Variants in SLC16A12 observed in about 807,000 individuals in gnomAD.
SLC16A12 encodes the protein solute carrier family 16 member 12.
SLC16A12 carries 17 observed loss-of-function variants against 42.4 expected under a neutral mutation model. The ratio of observed to expected loss-of-function variants is 0.40; its 90% CI spans 0.27 to 0.60. The LOEUF is 0.60. Ranked by LOEUF, SLC16A12 falls within the 20% of genes least tolerant of loss-of-function variation. The probability of loss-of-function intolerance (pLI) is 0.42; values close to 1 mark genes in which losing one functional copy is unlikely to be tolerated. For missense variants in SLC16A12, 544 were observed against 623.0 expected, an observed-to-expected ratio of 0.87 and a Z score of 1.35; for synonymous variants, 224 against 229.4, an observed-to-expected ratio of 0.98 and a Z score of 0.21.
chr10:89,491,852 A>G (rs964857771), intron 2 of SLC16A12, among the ~76,000 whole-genome samples: 1 of 152,220 alleles, frequency 6.6e-6, no homozygotes. Context: ...AAGGGAAAGT[A>G]GAAGTCGAAA....
Position 89,534,563 on chromosome 10 carries a change from T to A in SLC16A12, c.-109A>T, listed in dbSNP as rs192430761. The A allele has an allele frequency of 0.013, 1,830 of 145,124 alleles. 19 individuals carry two copies. Among genetic ancestry groups the A allele is most frequent in the Non-Finnish European group, 0.02 (1,349 of 67,336 alleles). 9.0% of individuals were successfully genotyped at this position (145,124 alleles called of 1,614,324 possible). Reference sequence around the variant, plus strand: ...TGGCTCACGCCTGTAATCCCATCACTTTGGGAGGCTAAAGCGGGCAGATCG... The same window carrying A: ...TGGCTCACGCCTGTAATCCCATCACATTGGGAGGCTAAAGCGGGCAGATCG... On this transcript the variant is annotated 5_prime_UTR_variant, in exon 2 of 8. The change creates a new upstream start codon in the 5' untranslated region. Coordinates refer to ENST00000371790, the MANE Select transcript of SLC16A12 (RefSeq NM_213606.4).
intron 2 of SLC16A12, among the ~76,000 whole-genome samples, chr10:89,531,037 G>A (rs796980643): frequency 1.4e-4 from 21 of 152,078 alleles, no homozygotes; most frequent in African/African-American, 5.1e-4. Context: ...GGTCCATATA[G>A]CGATCAACTT....
intron 5 of SLC16A12, among the ~76,000 whole-genome samples, chr10:89,439,889 T>C (rs887531041): frequency 6.6e-6 from 1 of 151,266 alleles, no homozygotes; most frequent in Non-Finnish European, 1.5e-5. Flanking sequence ...CTGGGCAATA[T>C]GGCAAAACCC....
In SLC16A12 at chr10:89,438,911, C is replaced by G. The variant is rs745753620; in HGVS notation, c.721G>C (p.Val241Leu). The change falls in exon 6 of 8, where the codon GTG becomes CTG. Residue 241 changes from valine to leucine, a missense_variant. Physicochemically the swap from Val to Leu is conservative, Grantham distance 32 (BLOSUM62 1). Coordinates refer to ENST00000371790, the MANE Select transcript of SLC16A12 (RefSeq NM_213606.4). ...ATGTCTTCTTTCTGAGTTCTACACA[C>G]ATGGTTCTGCTCTGGAGTTGTGTGG... ...EDHTTPEQNH[V>L]CRTQKEDIKR... 6.2e-7 allele frequency: 1 copy of G among 1,614,064 alleles called. No individual in the cohort carries two copies. The highest frequency in any genetic ancestry group is 1.3e-5 in the African/African-American group (1 of 74,934).
intron 2 of SLC16A12, among the ~76,000 whole-genome samples, chr10:89,554,745 C>T (rs1319126390): frequency 1.3e-5 from 2 of 152,138 alleles, no homozygotes; most frequent in Non-Finnish European, 2.9e-5. Context: ...ATGGGAGCAA[C>T]CTTTACATTG....
At chr10:89,519,490 C>T (rs574129504) in intron 2 of SLC16A12, among the ~76,000 whole-genome samples, 5 of 152,112 alleles carry the variant, frequency 3.3e-5, no homozygotes, top group East Asian at 1.9e-4. Flanking sequence ...GCGTGAGAAC[C>T]GGAACTATGA....
At chr10:89,550,788 T>C (rs1453184264) in intron 2 of SLC16A12, among the ~76,000 whole-genome samples, 1 of 152,142 alleles carries the variant, frequency 6.6e-6, no homozygotes, top group African/African-American at 2.4e-5. Context: ...CCTAGAAAGC[T>C]CTTCACTATT....
intron 2 of SLC16A12, among the ~76,000 whole-genome samples, chr10:89,512,849 G>A (rs1372830693): frequency 6.6e-6 from 1 of 152,208 alleles, no homozygotes; most frequent in African/African-American, 2.4e-5. Context: ...CAAAGTATGG[G>A]TGCCAACCAG....
At chr10:89,535,893 C>G (rs994449188), upstream of SLC16A12, among the ~76,000 whole-genome samples, 1 of 152,230 alleles carries the variant, frequency 6.6e-6, no homozygotes, top group African/African-American at 2.4e-5. Context: ...AAGCGTAGCG[C>G]GGAAAATCCC....
chr10:89,486,647 GAAA>G (rs1842754429), intron 2 of SLC16A12, among the ~76,000 whole-genome samples: 4 of 46,178 alleles, frequency 8.7e-5, no homozygotes, highest in Non-Finnish European at 1.4e-4. Context: ...AAGAAAGAAA[GAAA>G]GAAAGAAAGA....
chr10:89,460,529 G>A, intron 3 of SLC16A12, among the ~76,000 whole-genome samples: 1 of 151,868 alleles, frequency 6.6e-6, no homozygotes, highest in East Asian at 1.9e-4. Flanking sequence ...TTCGAGACCA[G>A]CCTGACCAAC....
intron 2 of SLC16A12, among the ~76,000 whole-genome samples, chr10:89,515,756 A>G (rs7087139): frequency 0.64 from 97,785 of 151,944 alleles, 31,861 homozygotes; most frequent in East Asian, 0.81. Context: ...TGGAATTCAT[A>G]ACTGTGGCCA....
chr10:89,495,064 A>ACTGGC (rs1842903859), intron 2 of SLC16A12, among the ~76,000 whole-genome samples: 2 of 152,148 alleles, frequency 1.3e-5, no homozygotes, highest in Admixed American at 6.6e-5. Flanking sequence ...AACACTAGGA[A>ACTGGC]CTGGCCGGGC....
intron 2 of SLC16A12, 25 bp from the exon 3 acceptor site, chr10:89,462,649 T>A: frequency 6.6e-7 from 1 of 1,519,036 alleles, no homozygotes; most frequent in Non-Finnish European, 8.8e-7. Flanking sequence ...CAGGACATAT[T>A]TATATCTTAT....
intron 3 of SLC16A12, among the ~76,000 whole-genome samples, chr10:89,458,469 G>A (rs911315109): frequency 3.9e-5 from 6 of 152,130 alleles, no homozygotes; most frequent in Non-Finnish European, 5.9e-5. Context: ...TAAGAGTTAA[G>A]CTCCCTTAGT....
chr10:89,487,964 GTATATA>G (rs147234370), intron 2 of SLC16A12, among the ~76,000 whole-genome samples: 34,394 of 126,658 alleles, frequency 0.27, 5,014 homozygotes, highest in Non-Finnish European at 0.36. Flanking sequence ...TGGTGTGTGT[GTATATA>G]TATATATATA....
chr10:89,459,768 C>T (rs767179177), intron 3 of SLC16A12, among the ~76,000 whole-genome samples: 72 of 152,102 alleles, frequency 4.7e-4, no homozygotes, highest in Admixed American at 8.5e-4. Flanking sequence ...GGTGAAACCC[C>T]GTCTCTATTA....
intron 2 of SLC16A12, among the ~76,000 whole-genome samples, chr10:89,508,199 C>T (rs1216044954): frequency 5.9e-5 from 9 of 152,106 alleles, no homozygotes; most frequent in Non-Finnish European, 8.8e-5. Flanking sequence ...ATATCCAGGA[C>T]TTAAACTCAG....
chr10:89,432,829 C>T lies in SLC16A12; in HGVS notation c.*235G>A. The stretch of plus-strand genomic sequence containing the variant: ...TTCTTACAGAGCTATGCCCATTGAC[C>T]AAAAGATACGAGTTCAGTTATGAGC... On this transcript the variant is annotated 3_prime_UTR_variant, in exon 8 of 8. Transcript: ENST00000371790. 1 of 515,296 alleles carries T rather than the reference C, an allele frequency of 1.9e-6. No individual in the cohort carries two copies. Among genetic ancestry groups the T allele is most frequent in the East Asian group, 3.8e-5 (1 of 26,504 alleles). The allele number at this position is 515,296 out of a possible 1,614,324, so 31.9% of individuals were successfully genotyped here. A position where few individuals can be genotyped will look rare whatever the true frequency, so the allele number is the denominator to read the frequency against.
Sources: allele counts gnomAD v4.1 joint callset (sites outside exome capture counted in the v4.1 genomes callset), GRCh38; gene constraint gnomAD v4.1.1; transcripts MANE v1.5; gene names NCBI Gene and HGNC (gene_info 2026-07-23, HGNC 2026-07-21).